TBCD: variants seen among roughly 807,000 people sequenced by gnomAD.
TBCD encodes the protein tubulin-specific chaperone D.
A neutral mutation model predicts 169.3 loss-of-function variants in TBCD; 105 were observed. The observed-to-expected ratio is 0.62, with a 90% confidence interval of 0.53 to 0.73. The LOEUF (loss-of-function observed/expected upper bound fraction) is 0.73. TBCD is among the 30% of genes least tolerant of loss of function. The probability of loss-of-function intolerance (pLI) is 0.00; values close to 1 mark genes in which losing one functional copy is unlikely to be tolerated. For synonymous variants in TBCD, 700 were observed against 643.9 expected (o/e 1.09, Z -1.32); for missense variants, 1,444 against 1,600.1 (o/e 0.90, Z 1.66).
Position 82,880,607 on chromosome 17 carries a change from C to T in TBCD, c.1476-3538C>T, listed in dbSNP as rs2058286233. 6.6e-6 allele frequency among the ~76,000 whole-genome samples: 1 copy of T among 152,212 alleles called. No homozygotes were observed. Among genetic ancestry groups the T allele is most frequent in the South Asian group, 2.1e-4 (1 of 4,830 alleles). ...CAAGGATCTGGCAGGAGGAGGCATC[C>T]AGGCCCTCAGGGCAGGTAGCGGGTG... On this transcript the variant is annotated intron_variant, in intron 14 of 38. Coordinates refer to ENST00000355528, the MANE Select transcript of TBCD (RefSeq NM_005993.5). This position sits in a 1 kb window ranked among gnomAD's most constrained non-coding sequence, Gnocchi z 5.0.
At chr17:82,797,037 C>T (rs1346408221) in intron 7 of TBCD, among the ~76,000 whole-genome samples, 1 of 152,178 alleles carries the variant, frequency 6.6e-6, no homozygotes, top group South Asian at 2.1e-4. Flanking sequence ...GAAATTCATT[C>T]GCGTTTTCTT....
chr17:82,887,761 C>G (rs1474248663), intron 15 of TBCD, among the ~76,000 whole-genome samples: 1 of 152,194 alleles, frequency 6.6e-6, no homozygotes, highest in African/African-American at 2.4e-5. Flanking sequence ...TCTGACATGG[C>G]CACTGTTTTC....
rs1221817366 is a variant in TBCD at position 82,884,520 on chromosome 17, A to G, written c.1533+318A>G. Among the ~76,000 whole-genome samples, 3 of 152,214 alleles carry G rather than the reference A, an allele frequency of 2.0e-5. No individual in the cohort carries two copies. The East Asian group carries it at 5.8e-4, about 29-fold the overall frequency. ...AGGCAGCTGCACGCTGAAGACGCAGAAGAGAGTGGGTTCTGCGAGGGTGGC... is the reference window on the plus strand; with the variant it reads ...AGGCAGCTGCACGCTGAAGACGCAGGAGAGAGTGGGTTCTGCGAGGGTGGC... On this transcript the variant is annotated intron_variant, in intron 15 of 38. Transcript: ENST00000355528. The surrounding 1 kb of genome is among the most constrained non-coding windows in gnomAD (Gnocchi z 4.2).
chr17:82,823,643 TTC>T (rs2052593232), intron 13 of TBCD, among the ~76,000 whole-genome samples: 1 of 152,032 alleles, frequency 6.6e-6, no homozygotes, highest in South Asian at 2.1e-4. Flanking sequence ...TGTCGGCATC[TTC>T]TCTTACATGT....
intron 12 of TBCD, among the ~76,000 whole-genome samples, chr17:82,812,300 C>T (rs978193063): frequency 6.6e-6 from 1 of 152,220 alleles, no homozygotes; most frequent in Admixed American, 6.5e-5. Flanking sequence ...GAAGCCACGG[C>T]ACTACGCTGT....
intron 16 of TBCD, among the ~76,000 whole-genome samples, chr17:82,891,788 G>C (rs1427374213): frequency 1.3e-5 from 2 of 152,258 alleles, no homozygotes; most frequent in East Asian, 3.9e-4. Flanking sequence ...CAGAGACGAG[G>C]GACCAGCTTC....
Position 82,831,612 on chromosome 17 carries a change from CG to C in TBCD, c.1318+16681del. On this transcript the variant is annotated intron_variant, in intron 13 of 38. Coordinates refer to ENST00000355528, the MANE Select transcript of TBCD (RefSeq NM_005993.5). The surrounding 1 kb of genome is among the most constrained non-coding windows in gnomAD (Gnocchi z 4.6). Reference sequence around the variant, plus strand: ...GCCCCGGGTGAGGCAGGAAGTGTCTCGGGTCTTGGGTTCCGTAGACTGACAG... The same window carrying C: ...GCCCCGGGTGAGGCAGGAAGTGTCTCGGTCTTGGGTTCCGTAGACTGACAG... The C allele has an allele frequency of 2.5e-6, 4 of 1,614,108 alleles. No homozygotes were observed. Among genetic ancestry groups the C allele is most frequent in the Non-Finnish European group, 3.4e-6 (4 of 1,180,020 alleles).
chr17:82,811,568 G>A (rs1033503088), intron 12 of TBCD, among the ~76,000 whole-genome samples: 3 of 152,186 alleles, frequency 2.0e-5, no homozygotes, highest in African/African-American at 7.2e-5. Context: ...CCGAGTCCTC[G>A]CAGGATGCAG....
chr17:82,810,389 A>G (rs576475396), intron 12 of TBCD, among the ~76,000 whole-genome samples: 2 of 152,222 alleles, frequency 1.3e-5, no homozygotes, highest in Non-Finnish European at 2.9e-5. Context: ...TTCATGAGCC[A>G]TGATGGTGCC....
At chr17:82,842,526 C>A (rs1418156357) in intron 13 of TBCD, among the ~76,000 whole-genome samples, 2 of 152,188 alleles carry the variant, frequency 1.3e-5, no homozygotes. Flanking sequence ...GCCTGCCTCT[C>A]TCTTGCACTG....
At chr17:82,775,409 T>A (rs1428160620) in intron 6 of TBCD, among the ~76,000 whole-genome samples, 1 of 152,222 alleles carries the variant, frequency 6.6e-6, no homozygotes, top group Non-Finnish European at 1.5e-5. Flanking sequence ...CTGAGTTTCC[T>A]GTACTTCTCA....
Position 82,903,185 on chromosome 17 carries a change from A to G in TBCD, c.1731-220A>G, listed in dbSNP as rs1252162284. ...GAAGGAAAGGCAGCTGTGTCCCAAG[A>G]AGAACCGTGGTTAGCCGTGTGACCT... On this transcript the variant is annotated intron_variant, in intron 18 of 38. Transcript: ENST00000355528. The surrounding 1 kb of genome is among the most constrained non-coding windows in gnomAD (Gnocchi z 4.8). Among the ~76,000 whole-genome samples the G allele has an allele frequency of 6.6e-6, 1 of 152,112 alleles. No individual in the cohort carries two copies. The highest frequency in any genetic ancestry group is 6.6e-5 in the Admixed American group (1 of 15,264).
chr17:82,929,079 C>T (rs750327154), intron 30 of TBCD, 34 bp from the exon 31 acceptor site: 52 of 1,592,134 alleles, frequency 3.3e-5, no homozygotes, highest in South Asian at 9.9e-5. Context: ...ATTTACCGCC[C>T]GCCCTTGGTT....
rs552127382 is a variant in TBCD, at chr17:82,815,103, G to T, written c.1318+169G>T. ...CAGCCCTTCGTCTGAACCCATCTCC[G>T]CGGTGTGGCCCTGCCGCGGGCACGC... On this transcript the variant is annotated intron_variant, in intron 13 of 38. Transcript: ENST00000355528. Among the ~76,000 whole-genome samples, 3 of 152,298 alleles carry T rather than the reference G, an allele frequency of 2.0e-5. No individual in the cohort carries two copies. The South Asian group carries it at 6.2e-4, about 32-fold the overall frequency.
At chr17:82,825,163 C>G (rs1474790957) in intron 13 of TBCD, among the ~76,000 whole-genome samples, 1 of 152,208 alleles carries the variant, frequency 6.6e-6, no homozygotes. Flanking sequence ...TGCCCTGTTG[C>G]AGGAGGATGC....
At chr17:82,924,184 C>A (rs1179559550) in intron 26 of TBCD, among the ~76,000 whole-genome samples, 1 of 152,176 alleles carries the variant, frequency 6.6e-6, no homozygotes, top group African/African-American at 2.4e-5. Flanking sequence ...GAACTCCTGA[C>A]CTCAGGTGAT....
intron 2 of TBCD, among the ~76,000 whole-genome samples, chr17:82,760,620 A>T (rs999951563): frequency 6.6e-6 from 1 of 152,254 alleles, no homozygotes; most frequent in East Asian, 1.9e-4. Flanking sequence ...GTAAACATAC[A>T]TTTCTTAACA....
chr17:82,857,703 A>G (rs1192679528), intron 13 of TBCD, among the ~76,000 whole-genome samples: 2 of 150,754 alleles, frequency 1.3e-5, no homozygotes, highest in South Asian at 2.1e-4. Flanking sequence ...GCATAGCCAC[A>G]GGAGCCATAC....
chr17:82,855,589 C>A (rs2056206845), intron 13 of TBCD, among the ~76,000 whole-genome samples: 2 of 152,022 alleles, frequency 1.3e-5, no homozygotes, highest in South Asian at 4.1e-4. Flanking sequence ...CTTAAAAAGT[C>A]ATTTCTCTCT....
Sources: gnomAD v4.1 joint callset for allele counts (sites outside exome capture counted in the v4.1 genomes callset) on GRCh38, gnomAD v4.1.1 for gene constraint, Gnocchi (gnomAD v3.1) non-coding constraint, MANE v1.5 for transcripts, NCBI Gene and HGNC (gene_info 2026-07-23, HGNC 2026-07-21) for gene names.